SAMTOR: variants seen among roughly 807,000 people sequenced by gnomAD.
SAMTOR encodes the protein UPF0532 protein C7orf60.
the SAMTOR span, among the ~76,000 whole-genome samples, chr7:112,828,610 GTTTTA>G: frequency 6.6e-6 from 1 of 152,060 alleles, no homozygotes; most frequent in Non-Finnish European, 1.5e-5. Context: ...CAACATATCT[GTTTTA>G]GGTTGACATA....
chr7:112,821,618 C>A, the SAMTOR span: 1 of 858,212 alleles, frequency 1.2e-6, no homozygotes, highest in Non-Finnish European at 1.7e-6. Flanking sequence ...AAATAGCAAA[C>A]TCTGTAAACC....
the SAMTOR span, among the ~76,000 whole-genome samples, chr7:112,874,601 T>C: frequency 6.6e-6 from 1 of 152,118 alleles, no homozygotes; most frequent in Non-Finnish European, 1.5e-5. Context: ...TCACGCAACA[T>C]ATCCTTGTAA....
the SAMTOR span, among the ~76,000 whole-genome samples, chr7:112,917,012 G>T: frequency 3.9e-5 from 6 of 152,210 alleles, no homozygotes; most frequent in Non-Finnish European, 7.3e-5. Flanking sequence ...CTCCACCTCT[G>T]GGGGCAGGGC....
the SAMTOR span, among the ~76,000 whole-genome samples, chr7:112,858,577 C>T: frequency 6.6e-6 from 1 of 151,894 alleles, no homozygotes; most frequent in African/African-American, 2.4e-5. Context: ...AATCCTTTTT[C>T]CAGTTAGCAA....
At chr7:112,873,387 C>T in the SAMTOR span, among the ~76,000 whole-genome samples, 3 of 151,934 alleles carry the variant, frequency 2.0e-5, no homozygotes, top group African/African-American at 7.3e-5. Flanking sequence ...ACTAATGGAA[C>T]AGAATAAAGA....
the SAMTOR span, among the ~76,000 whole-genome samples, chr7:112,929,088 C>A: frequency 6.6e-6 from 1 of 151,758 alleles, no homozygotes; most frequent in East Asian, 1.9e-4. Context: ...ATAACTCTAT[C>A]CTAATTCTCC....
the SAMTOR span, among the ~76,000 whole-genome samples, chr7:112,907,144 T>C: frequency 6.6e-6 from 1 of 152,112 alleles, no homozygotes; most frequent in Non-Finnish European, 1.5e-5. Flanking sequence ...GGATCAATGA[T>C]ATACACAATG....
At chr7:112,874,433 C>T in the SAMTOR span, among the ~76,000 whole-genome samples, 3 of 152,034 alleles carry the variant, frequency 2.0e-5, no homozygotes, top group Non-Finnish European at 4.4e-5. Flanking sequence ...CAAGTGGGAA[C>T]TAAACACTGG....
the SAMTOR span, among the ~76,000 whole-genome samples, chr7:112,888,578 G>A: frequency 0.011 from 1,619 of 152,120 alleles, 28 homozygotes; most frequent in African/African-American, 0.037. Context: ...AGATATAGAT[G>A]ACTTAAAGGT....
the SAMTOR span, among the ~76,000 whole-genome samples, chr7:112,902,416 C>CAAAAAAAAAAAAAAAAAAAAAAAAA: frequency 6.5e-4 from 8 of 12,322 alleles, 1 homozygote; most frequent in Admixed American, 1.6e-3. Context: ...AACTCCGTCT[C>CAAAAAAAAAAAAAAAAAAAAAAAAA]AAAAAAAAAA....
the SAMTOR span, chr7:112,895,544 A>G: frequency 6.7e-7 from 1 of 1,483,648 alleles, no homozygotes; most frequent in South Asian, 1.3e-5. Flanking sequence ...ATCCAGGATA[A>G]TCAAAGTAGA....
the SAMTOR span, among the ~76,000 whole-genome samples, chr7:112,862,375 G>A: frequency 2.6e-5 from 4 of 152,058 alleles, no homozygotes; most frequent in Non-Finnish European, 5.9e-5. Flanking sequence ...ATATTATAAC[G>A]TTAGAGTTAA....
the SAMTOR span, among the ~76,000 whole-genome samples, chr7:112,920,838 C>T: frequency 2.6e-5 from 4 of 152,074 alleles, no homozygotes; most frequent in African/African-American, 9.6e-5. Context: ...AGTGAACTCC[C>T]ATTCACAATT....
chr7:112,908,783 G>T, the SAMTOR span, among the ~76,000 whole-genome samples: 2 of 152,204 alleles, frequency 1.3e-5, no homozygotes, highest in African/African-American at 2.4e-5. Context: ...GGTGTTACCC[G>T]GTGTAATGCC....
the SAMTOR span, among the ~76,000 whole-genome samples, chr7:112,856,155 T>TA: frequency 6.6e-6 from 1 of 152,110 alleles, no homozygotes; most frequent in Non-Finnish European, 1.5e-5. Flanking sequence ...ATTGGACTGT[T>TA]ACAAAATGAA....
chr7:112,916,495 A>G, the SAMTOR span, among the ~76,000 whole-genome samples: 2 of 152,208 alleles, frequency 1.3e-5, no homozygotes, highest in African/African-American at 2.4e-5. Context: ...GCTCCGGTCT[A>G]CAGCTCCCAG....
the SAMTOR span, among the ~76,000 whole-genome samples, chr7:112,895,061 T>C: frequency 6.6e-6 from 1 of 152,262 alleles, no homozygotes; most frequent in African/African-American, 2.4e-5. Context: ...ACAATGGTAA[T>C]TGGTTCTATT....
chr7:112,836,397 C>T, the SAMTOR span, among the ~76,000 whole-genome samples: 2 of 151,632 alleles, frequency 1.3e-5, no homozygotes, highest in African/African-American at 2.4e-5. Context: ...TTGTCAGATG[C>T]ATGGTTATAT....
At chr7:112,867,554 A>G in the SAMTOR span, among the ~76,000 whole-genome samples, 1 of 152,188 alleles carries the variant, frequency 6.6e-6, no homozygotes. Context: ...TATAGGTACA[A>G]TGCCACTTAG....
Sources: gnomAD v4.1 joint callset for allele counts (sites outside exome capture counted in the v4.1 genomes callset) on GRCh38, gnomAD v4.1.1 for gene constraint, MANE v1.5 for transcripts, NCBI Gene and HGNC (gene_info 2026-07-23, HGNC 2026-07-21) for gene names.